ADAMTS3: variants seen among roughly 807,000 people sequenced by gnomAD.
ADAMTS3 encodes A disintegrin and metalloproteinase with thrombospondin motifs 3.
A neutral mutation model predicts 129.0 loss-of-function variants in ADAMTS3; 73 were observed. The ratio of observed to expected loss-of-function variants is 0.57; its 90% CI spans 0.47 to 0.69. The LOEUF (loss-of-function observed/expected upper bound fraction) is 0.69. Ranked by LOEUF, ADAMTS3 falls within the 30% of genes least tolerant of loss-of-function variation. The pLI, the probability that ADAMTS3 is intolerant of heterozygous loss-of-function variation, is 0.00. For missense variants in ADAMTS3, 1,457 were observed against 1,514.5 expected (o/e 0.96, Z 0.63); for synonymous variants, 477 against 510.8 (o/e 0.93, Z 0.89).
chr4:72,336,834 T>A (rs868745844), intron 5 of ADAMTS3, among the ~76,000 whole-genome samples: 3 of 152,060 alleles, frequency 2.0e-5, no homozygotes, highest in African/African-American at 7.2e-5. Flanking sequence ...CTATTAGCAG[T>A]AGCATCCCCC....
intron 5 of ADAMTS3, among the ~76,000 whole-genome samples, chr4:72,331,736 A>G (rs909981812): frequency 5.3e-5 from 8 of 151,986 alleles, no homozygotes; most frequent in Non-Finnish European, 1.0e-4. Context: ...TCCAAGACCT[A>G]TCTCCCCTTT....
At chr4:72,409,148 A>T (rs944220321) in intron 4 of ADAMTS3, among the ~76,000 whole-genome samples, 11 of 152,156 alleles carry the variant, frequency 7.2e-5, no homozygotes, top group African/African-American at 2.2e-4. Flanking sequence ...TGTACTCAAA[A>T]TTTTTCTTAA....
chr4:72,560,221 T>A (rs370128298), intron 2 of ADAMTS3, among the ~76,000 whole-genome samples: 34 of 144,282 alleles, frequency 2.4e-4, no homozygotes, highest in Non-Finnish European at 3.2e-4. Flanking sequence ...CCCAAAACTA[T>A]AAAAAAAAAA....
At chr4:72,398,360 C>T (rs1446073119) in intron 4 of ADAMTS3, among the ~76,000 whole-genome samples, 1 of 152,048 alleles carries the variant, frequency 6.6e-6, no homozygotes, top group Non-Finnish European at 1.5e-5. Context: ...AGGTCAAGAC[C>T]AGCCTGGCCA....
intron 3 of ADAMTS3, among the ~76,000 whole-genome samples, chr4:72,499,637 T>A (rs1719958491): frequency 6.6e-6 from 1 of 152,136 alleles, no homozygotes; most frequent in African/African-American, 2.4e-5. Context: ...ATTTCAACTT[T>A]TATTTTAGAT....
chr4:72,467,004 T>C (rs1321337912), intron 3 of ADAMTS3, among the ~76,000 whole-genome samples: 4 of 152,076 alleles, frequency 2.6e-5, no homozygotes, highest in African/African-American at 7.2e-5. Flanking sequence ...AACCTCACTA[T>C]ATCTCTGGCA....
intron 3 of ADAMTS3, among the ~76,000 whole-genome samples, chr4:72,535,562 T>C (rs566339155): frequency 6.6e-6 from 1 of 152,154 alleles, no homozygotes; most frequent in Non-Finnish European, 1.5e-5. Flanking sequence ...TTTTATCAGC[T>C]AGTCAGAACC....
In ADAMTS3 at chr4:72,306,061, A is replaced by AG; in HGVS notation, c.2185dup (p.Leu729ProfsTer2). On this transcript the variant is annotated frameshift_variant, in exon 16 of 22. Coordinates refer to ENST00000286657, the MANE Select transcript of ADAMTS3 (RefSeq NM_014243.3). LOFTEE classifies it high-confidence loss of function. Reference sequence around the variant, plus strand: ...CCCAGGGGGTATATCAAACATCTTAAGGTACCCTTTGCATGTGTAGTAAAT... The same window carrying AG: ...CCCAGGGGGTATATCAAACATCTTAAGGGTACCCTTTGCATGTGTAGTAAAT... 6.2e-7 allele frequency: 1 copy of AG among 1,602,396 alleles called. No homozygotes were observed. Among genetic ancestry groups the AG allele is most frequent in the Non-Finnish European group, 8.5e-7 (1 of 1,175,520 alleles).
At chr4:72,464,586 T>G (rs1193441600) in intron 3 of ADAMTS3, among the ~76,000 whole-genome samples, 1 of 152,058 alleles carries the variant, frequency 6.6e-6, no homozygotes, top group Non-Finnish European at 1.5e-5. Context: ...TACTCTGTGT[T>G]GAATTCTGGG....
At chr4:72,335,482 T>C (rs960515518) in intron 5 of ADAMTS3, among the ~76,000 whole-genome samples, 3 of 152,182 alleles carry the variant, frequency 2.0e-5, no homozygotes, top group Non-Finnish European at 2.9e-5. Context: ...CAGTAAATAC[T>C]GTGTGTTAAG....
At chr4:72,373,331 G>A (rs980278649) in intron 4 of ADAMTS3, among the ~76,000 whole-genome samples, 6 of 152,080 alleles carry the variant, frequency 3.9e-5, no homozygotes, top group South Asian at 2.1e-4. Context: ...AGACTGCCAC[G>A]CAGTGGGAAA....
At chr4:72,310,930 G>C in intron 14 of ADAMTS3, 118 bp downstream of exon 14, 1 of 967,628 alleles carries the variant, frequency 1.0e-6, no homozygotes, top group African/African-American at 1.7e-5. Flanking sequence ...ACTATTCATA[G>C]ACACTTACTA....
At chr4:72,545,928 C>G (rs1422238601) in intron 3 of ADAMTS3, among the ~76,000 whole-genome samples, 1 of 152,204 alleles carries the variant, frequency 6.6e-6, no homozygotes, top group Non-Finnish European at 1.5e-5. Context: ...AGCTGTATCA[C>G]AGCTCACAAT....
intron 3 of ADAMTS3, among the ~76,000 whole-genome samples, chr4:72,516,192 C>G (rs1720471651): frequency 6.6e-6 from 1 of 152,090 alleles, no homozygotes; most frequent in African/African-American, 2.4e-5. Flanking sequence ...TTCCATTGTT[C>G]TATATCTCTG....
At chr4:72,285,095 A>G (rs188072265) in intron 21 of ADAMTS3, among the ~76,000 whole-genome samples, 253 of 152,358 alleles carry the variant, frequency 1.7e-3, no homozygotes, top group Middle Eastern at 6.8e-3. Context: ...GGCCTGCTAC[A>G]TAACTCCCCA....
At chr4:72,353,687 T>C (rs1367785106) in intron 4 of ADAMTS3, among the ~76,000 whole-genome samples, 1 of 152,054 alleles carries the variant, frequency 6.6e-6, no homozygotes, top group African/African-American at 2.4e-5. Flanking sequence ...CTTCCAAAGA[T>C]TTAATGTACA....
chr4:72,344,700 C>A (rs984272832), intron 4 of ADAMTS3, among the ~76,000 whole-genome samples: 1 of 152,070 alleles, frequency 6.6e-6, no homozygotes, highest in Non-Finnish European at 1.5e-5. Flanking sequence ...TGGCCCTCCA[C>A]TCAATCACCC....
At chr4:72,457,655 C>T (rs1193180397) in intron 3 of ADAMTS3, among the ~76,000 whole-genome samples, 2 of 151,560 alleles carry the variant, frequency 1.3e-5, no homozygotes, top group East Asian at 1.9e-4. Context: ...ACGATTATTC[C>T]ATTTTATCCT....
At chr4:72,359,025 C>T (rs1305902016) in intron 4 of ADAMTS3, among the ~76,000 whole-genome samples, 1 of 151,736 alleles carries the variant, frequency 6.6e-6, no homozygotes, top group Non-Finnish European at 1.5e-5. Context: ...CAAAGAAAAT[C>T]CTGAGAAAAA....
Sources: allele counts gnomAD v4.1 joint callset (sites outside exome capture counted in the v4.1 genomes callset), GRCh38; gene constraint gnomAD v4.1.1; transcripts MANE v1.5; gene names NCBI Gene and HGNC (gene_info 2026-07-23, HGNC 2026-07-21).